EYS: variants seen among roughly 807,000 people sequenced by gnomAD.
EYS encodes EGF-like photoreceptor maintenance factor, also known as protein eyes shut homolog.
EYS carries 250 observed loss-of-function variants against 282.1 expected under a neutral mutation model. That is an observed-to-expected ratio of 0.89 (90% CI 0.80 to 0.98). EYS has a LOEUF of 0.98. Among genes scored for constraint, EYS ranks in the 50% least tolerant of loss-of-function variants. EYS has a pLI of 0.00. For synonymous variants in EYS, 1,355 were observed against 1,282.9 expected, an observed-to-expected ratio of 1.06 and a Z score of -1.20; for missense variants, 4,016 against 3,709.0, an observed-to-expected ratio of 1.08 and a Z score of -2.15.
chr6:65,371,670 T>G (rs958740581), intron 8 of EYS, among the ~76,000 whole-genome samples: 2 of 151,126 alleles, frequency 1.3e-5, no homozygotes, highest in Non-Finnish European at 1.5e-5. Flanking sequence ...CTGCAAAGTT[T>G]AATTATGTGA....
chr6:65,686,909 T>C (rs766769698), intron 1 of EYS, among the ~76,000 whole-genome samples: 6 of 151,984 alleles, frequency 3.9e-5, no homozygotes, highest in Non-Finnish European at 7.4e-5. Flanking sequence ...ACATGAAAAA[T>C]TGAAAGGGAG....
intron 12 of EYS, among the ~76,000 whole-genome samples, chr6:65,227,014 C>T (rs1766643911): frequency 6.6e-6 from 1 of 152,092 alleles, no homozygotes; most frequent in African/African-American, 2.4e-5. Flanking sequence ...GCCTGTGGAT[C>T]ACCTGAGATC....
At chr6:65,326,626 G>C (rs1411119122) in intron 11 of EYS, among the ~76,000 whole-genome samples, 1 of 151,262 alleles carries the variant, frequency 6.6e-6, no homozygotes, top group Non-Finnish European at 1.5e-5. Flanking sequence ...AGACCATATA[G>C]AATTTATATA....
intron 33 of EYS, among the ~76,000 whole-genome samples, chr6:64,013,128 A>G (rs1356522883): frequency 1.3e-5 from 2 of 152,210 alleles, no homozygotes; most frequent in African/African-American, 4.8e-5. Flanking sequence ...AGGATCTGTG[A>G]TGATTCCTGA....
intron 12 of EYS, among the ~76,000 whole-genome samples, chr6:65,169,462 G>A (rs1765053256): frequency 6.6e-6 from 1 of 151,292 alleles, no homozygotes. Flanking sequence ...ATTTTTAAAT[G>A]TTTACATTTT....
chr6:64,691,415 G>T (rs1562137368), intron 22 of EYS, among the ~76,000 whole-genome samples: 1 of 152,122 alleles, frequency 6.6e-6, no homozygotes. Context: ...CTAATGAATA[G>T]AGTATTTTTC....
intron 36 of EYS, among the ~76,000 whole-genome samples, chr6:63,837,379 G>A (rs1771836803): frequency 6.6e-6 from 1 of 151,882 alleles, no homozygotes; most frequent in Admixed American, 6.6e-5. Context: ...TCTAAAATGA[G>A]GCAGCTTATC....
chr6:64,170,882 C>T (rs1172551614), intron 31 of EYS, among the ~76,000 whole-genome samples: 1 of 151,954 alleles, frequency 6.6e-6, no homozygotes, highest in African/African-American at 2.4e-5. Context: ...TTTTTCTCAT[C>T]TTTTTAAATC....
At chr6:64,958,902 G>A (rs1219371110) in intron 14 of EYS, among the ~76,000 whole-genome samples, 1 of 152,058 alleles carries the variant, frequency 6.6e-6, no homozygotes, top group Non-Finnish European at 1.5e-5. Context: ...ACAATCATTG[G>A]AGTGTAAATA....
chr6:65,206,607 G>A (rs182483659), intron 12 of EYS, among the ~76,000 whole-genome samples: 25 of 151,786 alleles, frequency 1.6e-4, no homozygotes, highest in African/African-American at 4.8e-4. Context: ...TATCTCTGAC[G>A]AACATGGATG....
At position 63,721,738 on chromosome 6, in the gene EYS, C is replaced by T. The variant is rs1224801221; in HGVS notation, c.8293G>A (p.Asp2765Asn). 2 of 1,550,704 alleles carry T rather than the reference C, an allele frequency of 1.3e-6. No individual in the cohort carries two copies. Among genetic ancestry groups the T allele is most frequent in the Non-Finnish European group, 1.7e-6 (2 of 1,146,306 alleles). ...SSVQLRYNLG[D>N]RTIILETLQK... is the part of the protein sequence containing the mutation. ...AGAGTTTCTAGAATGATAGTTCTGT[C>T]GCCAAGGTTGTAGCGAAGTTGAACG... Residue 2765 changes from aspartate to asparagine, a missense_variant, in exon 43 of 43, where the codon GAC (aspartate) becomes AAC (asparagine). Transcript: ENST00000503581.
chr6:65,032,591 T>C (rs1176776229), intron 13 of EYS, among the ~76,000 whole-genome samples: 1 of 152,192 alleles, frequency 6.6e-6, no homozygotes, highest in Non-Finnish European at 1.5e-5. Flanking sequence ...TGTTAGCTTC[T>C]TGAGGCCTCC....
intron 2 of EYS, among the ~76,000 whole-genome samples, chr6:65,580,592 C>A (rs1185171283): frequency 2.6e-5 from 4 of 152,144 alleles, no homozygotes; most frequent in Non-Finnish European, 1.5e-5. Context: ...ACATTGCATT[C>A]TTTGAAGCAA....
intron 40 of EYS, among the ~76,000 whole-genome samples, chr6:63,770,229 T>A (rs1769896264): frequency 1.3e-5 from 2 of 152,120 alleles, no homozygotes; most frequent in Admixed American, 1.3e-4. Context: ...AGATTGCAGA[T>A]GAGAAGCTAA....
intron 22 of EYS, among the ~76,000 whole-genome samples, chr6:64,634,976 G>C (rs1013288045): frequency 2.6e-5 from 4 of 151,954 alleles, no homozygotes; most frequent in South Asian, 2.1e-4. Flanking sequence ...TCTTCCATTT[G>C]TTTGTATCCT....
intron 28 of EYS, among the ~76,000 whole-genome samples, chr6:64,435,885 T>C (rs1045248830): frequency 6.6e-6 from 1 of 151,948 alleles, no homozygotes; most frequent in Non-Finnish European, 1.5e-5. Flanking sequence ...CAAAAGAAAT[T>C]ACCAGTTTAG....
chr6:63,825,579 G>A (rs1054324611), intron 36 of EYS, among the ~76,000 whole-genome samples: 2 of 152,264 alleles, frequency 1.3e-5, no homozygotes, highest in South Asian at 4.1e-4. Flanking sequence ...AATCTATGCC[G>A]ACAATGGCCA....
intron 40 of EYS, among the ~76,000 whole-genome samples, chr6:63,771,306 C>G (rs1769922010): frequency 6.6e-6 from 1 of 151,998 alleles, no homozygotes; most frequent in African/African-American, 2.4e-5. Flanking sequence ...AAGCAAAGGA[C>G]AGAAGACAAA....
chr6:65,474,861 A>T (rs1765341021), intron 5 of EYS, among the ~76,000 whole-genome samples: 1 of 152,122 alleles, frequency 6.6e-6, no homozygotes, highest in Non-Finnish European at 1.5e-5. Context: ...AAAAGTGCTC[A>T]AAGAACTGGA....
Sources: gnomAD v4.1 joint callset for allele counts (sites outside exome capture counted in the v4.1 genomes callset) on GRCh38, gnomAD v4.1.1 for gene constraint, MANE v1.5 for transcripts, NCBI Gene and HGNC (gene_info 2026-07-23, HGNC 2026-07-21) for gene names.